Variants in ACER3 observed in about 807,000 individuals in gnomAD.
ACER3 encodes the protein alkCDase 3.
In ACER3, 16 loss-of-function variants were observed where a neutral mutation model predicts 48.9. The ratio of observed to expected loss-of-function variants is 0.33; its 90% CI spans 0.22 to 0.50. The LOEUF (loss-of-function observed/expected upper bound fraction) is 0.50, where lower values mean the gene tolerates loss of function less well. ACER3 is among the 20% of genes least tolerant of loss of function. The pLI, the probability that ACER3 is intolerant of heterozygous loss-of-function variation, is 0.98. For synonymous variants in ACER3, 109 were observed against 107.8 expected (o/e 1.01, Z -0.07); for missense variants, 227 against 326.0 (o/e 0.70, Z 2.34).
At chr11:76,911,300 CT>C (rs1946371233) in intron 1 of ACER3, among the ~76,000 whole-genome samples, 1 of 152,146 alleles carries the variant, frequency 6.6e-6, no homozygotes, top group South Asian at 2.1e-4. Flanking sequence ...GTTCCTCCCT[CT>C]TCTGGACTAT....
At chr11:77,012,276 G>C (rs1949282908) in intron 7 of ACER3, among the ~76,000 whole-genome samples, 1 of 151,976 alleles carries the variant, frequency 6.6e-6, no homozygotes, top group Non-Finnish European at 1.5e-5. Flanking sequence ...AAATTAGCTA[G>C]GCATGGTGGC....
chr11:76,914,520 G>A lies in ACER3; in HGVS notation c.104-12037G>A, dbSNP rs1230990684. On this transcript the variant is annotated intron_variant, in intron 1 of 10. Coordinates refer to ENST00000532485, the MANE Select transcript of ACER3 (RefSeq NM_018367.7). ...ATACCATCTCACACCAGTTAGAATGGCGATCATTAAAAAGTCAGGAAACAA... is the reference window on the plus strand; with the variant it reads ...ATACCATCTCACACCAGTTAGAATGACGATCATTAAAAAGTCAGGAAACAA... 3.3e-5 allele frequency among the ~76,000 whole-genome samples: 5 copies of A among 152,268 alleles called. No homozygotes were observed. The East Asian group carries it at 9.7e-4, about 29-fold the overall frequency.
At chr11:77,008,755 A>G (rs1371673294) in intron 7 of ACER3, among the ~76,000 whole-genome samples, 2 of 152,224 alleles carry the variant, frequency 1.3e-5, no homozygotes, top group Non-Finnish European at 2.9e-5. Flanking sequence ...AGATGAGTTC[A>G]CAAGAACATA....
chr11:76,924,152 G>A (rs1946757203), intron 1 of ACER3, among the ~76,000 whole-genome samples: 1 of 151,966 alleles, frequency 6.6e-6, no homozygotes, highest in Admixed American at 6.6e-5. Flanking sequence ...AATCATAGGG[G>A]CCTCCATTTG....
rs138306617 is a variant in ACER3, at chr11:76,927,553, G to A, written c.214+886G>A. ...AATACATGTGCCATGTTGGTGTGCTGCACCCATTAACTCGTCATTTACATT... is the reference window on the plus strand; with the variant it reads ...AATACATGTGCCATGTTGGTGTGCTACACCCATTAACTCGTCATTTACATT... On this transcript the variant is annotated intron_variant, in intron 2 of 10. Transcript: ENST00000532485. 1.2e-3 allele frequency among the ~76,000 whole-genome samples: 182 copies of A among 152,128 alleles called. 1 individual carries two copies. Among genetic ancestry groups the A allele is most frequent in the African/African-American group, 4.1e-3 (171 of 41,482 alleles).
intron 3 of ACER3, among the ~76,000 whole-genome samples, chr11:76,971,620 C>G (rs1948309932): frequency 6.6e-6 from 1 of 151,910 alleles, no homozygotes; most frequent in African/African-American, 2.4e-5. Context: ...GCATGGCATA[C>G]AAAATATGAA....
At chr11:76,907,892 G>T (rs755914421) in intron 1 of ACER3, among the ~76,000 whole-genome samples, 2 of 151,280 alleles carry the variant, frequency 1.3e-5, no homozygotes, top group Admixed American at 6.6e-5. Flanking sequence ...ATAAAAATAA[G>T]CCAATAAGTT....
chr11:76,874,466 T>A (rs1470540977), intron 1 of ACER3, among the ~76,000 whole-genome samples: 1 of 152,050 alleles, frequency 6.6e-6, no homozygotes, highest in Admixed American at 6.5e-5. Flanking sequence ...CCTGTGGTGA[T>A]TAGTTTTATT....
chr11:76,932,167 C>G (rs116469916), intron 2 of ACER3, among the ~76,000 whole-genome samples: 1,683 of 152,154 alleles, frequency 0.011, 30 homozygotes, highest in African/African-American at 0.039. Flanking sequence ...CCAGGCTAAT[C>G]TCAAACTCCT....
At chr11:76,867,900 T>A (rs1945136700) in intron 1 of ACER3, among the ~76,000 whole-genome samples, 1 of 152,176 alleles carries the variant, frequency 6.6e-6, no homozygotes, top group Admixed American at 6.5e-5. Flanking sequence ...CCCATCCTAT[T>A]CATAGGAAGT....
intron 1 of ACER3, among the ~76,000 whole-genome samples, chr11:76,894,963 A>G (rs191023069): frequency 1.3e-5 from 2 of 152,366 alleles, no homozygotes; most frequent in African/African-American, 2.4e-5. Context: ...AGCTCAAGGC[A>G]GAAATTCCCA....
intron 7 of ACER3, among the ~76,000 whole-genome samples, chr11:77,005,138 C>T (rs1404086985): frequency 6.6e-6 from 1 of 151,388 alleles, no homozygotes; most frequent in African/African-American, 2.4e-5. Context: ...CCCGGGTTCA[C>T]GCCATTCTCC....
intron 7 of ACER3, 60 bp downstream of exon 7, chr11:76,998,881 T>G: frequency 2.3e-6 from 3 of 1,325,444 alleles, no homozygotes; most frequent in Non-Finnish European, 3.1e-6. Context: ...TAACAGTAAA[T>G]CTATAGCCTA....
At chr11:76,988,546 T>C (rs1041235234) in intron 5 of ACER3, among the ~76,000 whole-genome samples, 3 of 152,126 alleles carry the variant, frequency 2.0e-5, no homozygotes, top group Non-Finnish European at 4.4e-5. Context: ...TCAGATCTCA[T>C]GAGAACTCAC....
chr11:76,891,059 C>T (rs1467465520), intron 1 of ACER3, among the ~76,000 whole-genome samples: 1 of 151,398 alleles, frequency 6.6e-6, no homozygotes, highest in African/African-American at 2.4e-5. Flanking sequence ...GTGGAGGTTA[C>T]AGTGAGCTGA....
chr11:76,965,139 C>A (rs557052217), intron 3 of ACER3, among the ~76,000 whole-genome samples: 4 of 151,384 alleles, frequency 2.6e-5, no homozygotes, highest in South Asian at 2.1e-4. Flanking sequence ...CTGAAAACCA[C>A]GGCACGAGAA....
At chr11:76,975,874 C>CTT (rs34786738) in intron 3 of ACER3, among the ~76,000 whole-genome samples, 1,930 of 82,704 alleles carry the variant, frequency 0.023, 125 homozygotes, top group African/African-American at 0.082. Context: ...TTTTTCTTTT[C>CTT]TTTTTTTTTT....
chr11:76,959,335 A>G (rs1947924739), intron 3 of ACER3: 1 of 772,268 alleles, frequency 1.3e-6, no homozygotes. Flanking sequence ...TCAGTTCACC[A>G]GAACAATATA....
intron 2 of ACER3, among the ~76,000 whole-genome samples, chr11:76,948,547 G>A (rs1947544226): frequency 1.3e-5 from 2 of 152,060 alleles, no homozygotes; most frequent in South Asian, 4.2e-4. Context: ...GCATGCCCTG[G>A]AAGTCATAGT....
Sources: gnomAD v4.1 joint callset for allele counts (sites outside exome capture counted in the v4.1 genomes callset) on GRCh38, gnomAD v4.1.1 for gene constraint, MANE v1.5 for transcripts, NCBI Gene and HGNC (gene_info 2026-07-23, HGNC 2026-07-21) for gene names.